The following SLC25A24 variants were observed in gnomAD, a reference collection of about 807,000 sequenced individuals.
SLC25A24 encodes the protein solute carrier family 25 member 24.
A neutral mutation model predicts 60.7 loss-of-function variants in SLC25A24; 49 were observed. That is an observed-to-expected ratio of 0.81 (90% CI 0.64 to 1.02). SLC25A24 has a LOEUF of 1.02. Ranked by LOEUF, SLC25A24 falls within the 50% of genes least tolerant of loss-of-function variation. SLC25A24 has a pLI of 0.00. For missense variants in SLC25A24, 564 were observed against 586.3 expected, an observed-to-expected ratio of 0.96 and a Z score of 0.39; for synonymous variants, 202 against 200.6, an observed-to-expected ratio of 1.01 and a Z score of -0.06.
chr1:108,186,005 A>G (rs768234987), intron 1 of SLC25A24, 51 bp from the exon 2 acceptor site: 45 of 1,388,634 alleles, frequency 3.2e-5, no homozygotes, highest in Non-Finnish European at 4.1e-5. Flanking sequence ...CTGATGCACT[A>G]AATTATTTCT....
intron 5 of SLC25A24, among the ~76,000 whole-genome samples, chr1:108,155,983 A>ACT (rs1553253875): frequency 3.6e-4 from 54 of 151,350 alleles, no homozygotes; most frequent in African/African-American, 1.2e-3. Context: ...ACACACACAC[A>ACT]CTCACAGAAC....
At chr1:108,187,810 A>T (rs1411076538) in intron 1 of SLC25A24, among the ~76,000 whole-genome samples, 1 of 151,508 alleles carries the variant, frequency 6.6e-6, no homozygotes, top group African/African-American at 2.4e-5. Context: ...CCTAACAGGG[A>T]CATCACAAAA....
intron 6 of SLC25A24, among the ~76,000 whole-genome samples, chr1:108,153,619 C>G (rs1366741182): frequency 6.6e-6 from 1 of 152,080 alleles, no homozygotes; most frequent in Non-Finnish European, 1.5e-5. Context: ...AAAACAGCAC[C>G]ATAGGTCCAG....
chr1:108,177,904 C>T (rs1166282097), intron 3 of SLC25A24, among the ~76,000 whole-genome samples: 1 of 152,116 alleles, frequency 6.6e-6, no homozygotes, highest in Non-Finnish European at 1.5e-5. Flanking sequence ...GTGGCTCACA[C>T]CTGTAATCCC....
At chr1:108,165,219 G>A (rs1680211968) in intron 3 of SLC25A24, among the ~76,000 whole-genome samples, 1 of 151,980 alleles carries the variant, frequency 6.6e-6, no homozygotes, top group Non-Finnish European at 1.5e-5. Flanking sequence ...CCAAGTATGT[G>A]GTCAATTTTG....
At chr1:108,145,516 G>A (rs939381354) in intron 7 of SLC25A24, among the ~76,000 whole-genome samples, 1 of 151,962 alleles carries the variant, frequency 6.6e-6, no homozygotes, top group Non-Finnish European at 1.5e-5. Flanking sequence ...TATTGCCTCG[G>A]TTTTTTTCTA....
In SLC25A24 at chr1:108,187,931, T is replaced by TAGATAG. The variant is rs1323998368; in HGVS notation, c.184-1978_184-1977insCTATCT. Among the ~76,000 whole-genome samples, 4 of 55,564 alleles carry TAGATAG rather than the reference T, an allele frequency of 7.2e-5. 1 individual carries two copies. The highest frequency in any genetic ancestry group is 1.6e-3 in the East Asian group (2 of 1,270). 36.5% of individuals were successfully genotyped at this position (55,564 alleles called of 152,430 possible). On this transcript the variant is annotated intron_variant, in intron 1 of 9. Coordinates refer to ENST00000565488, the MANE Select transcript of SLC25A24 (RefSeq NM_013386.5). ...CGAAATGGATAAGACATTATAGATA[T>TAGATAG]ATATATATATATATTCATGCACTGT...
Position 108,192,606 on chromosome 1 carries a change from C to G in SLC25A24, c.184-6652G>C, listed in dbSNP as rs749704058. 49 of 1,497,500 alleles carry G rather than the reference C, an allele frequency of 3.3e-5. 8 individuals are homozygous for G. Among genetic ancestry groups the G allele is most frequent in the Non-Finnish European group, 4.4e-5 (49 of 1,112,974 alleles). The allele number at this position is 1,497,500 out of a possible 1,614,324, so 92.8% of individuals were successfully genotyped here. A position where few individuals can be genotyped will look rare whatever the true frequency, so the allele number is the denominator to read the frequency against. ...TAGTCCAGGTACCAAAAGAGATCTC[C>G]GTAGAGGGAGTCCATCGAGGATGTC... On this transcript the variant is annotated intron_variant, in intron 1 of 9. Coordinates refer to ENST00000565488, the MANE Select transcript of SLC25A24 (RefSeq NM_013386.5).
chr1:108,179,207 T>C (rs1264129265), intron 3 of SLC25A24, among the ~76,000 whole-genome samples: 1 of 150,994 alleles, frequency 6.6e-6, no homozygotes, highest in Non-Finnish European at 1.5e-5. Context: ...ATACTACACT[T>C]AGAATGACTA....
chr1:108,168,976 T>C (rs1236931413), intron 3 of SLC25A24, among the ~76,000 whole-genome samples: 3 of 152,232 alleles, frequency 2.0e-5, no homozygotes, highest in Non-Finnish European at 4.4e-5. Flanking sequence ...AGTTTAACTT[T>C]CACGTTTAGG....
chr1:108,166,623 G>A (rs1011754177), intron 3 of SLC25A24, among the ~76,000 whole-genome samples: 8 of 152,070 alleles, frequency 5.3e-5, no homozygotes, highest in East Asian at 3.9e-4. Context: ...TGTAGTTCTC[G>A]AGCCTTGGTT....
chr1:108,172,089 A>G (rs1351575463), intron 3 of SLC25A24, among the ~76,000 whole-genome samples: 1 of 152,254 alleles, frequency 6.6e-6, no homozygotes, highest in East Asian at 1.9e-4. Context: ...TGAAAATGAG[A>G]GTAAACAGGG....
At chr1:108,194,568 T>A (rs1648435289) in intron 1 of SLC25A24, among the ~76,000 whole-genome samples, 1 of 147,056 alleles carries the variant, frequency 6.8e-6, no homozygotes, top group African/African-American at 2.4e-5. Flanking sequence ...GAGTTGAGAG[T>A]TTCATCTAAT....
intron 2 of SLC25A24, 114 bp downstream of exon 2, chr1:108,185,714 C>T: frequency 1.3e-6 from 1 of 787,032 alleles, no homozygotes; most frequent in South Asian, 2.0e-5. Context: ...AGTATTAACA[C>T]AAATAATAAT....
chr1:108,160,677 C>T lies in SLC25A24; in HGVS notation c.510+505G>A, dbSNP rs533026625. ...TGGGCACCATTGAGCACTGAGTGAA[C>T]GAGACTCCGTCTGCAATCCCAGCAC... On this transcript the variant is annotated intron_variant, in intron 4 of 9. Transcript: ENST00000565488. 2.7e-4 allele frequency among the ~76,000 whole-genome samples: 41 copies of T among 152,326 alleles called. No individual in the cohort carries two copies. In the East Asian group the frequency reaches 3.1e-3, roughly 11 times the overall value.
At position 108,200,131 on chromosome 1, in the gene SLC25A24, C is replaced by G; in HGVS notation, c.8G>C (p.Arg3Pro). The G allele has an allele frequency of 6.4e-7, 1 of 1,553,438 alleles. No individual in the cohort carries two copies. Among genetic ancestry groups the G allele is most frequent in the South Asian group, 1.2e-5 (1 of 84,608 alleles). The change falls in exon 1 of 10, where the codon CGC (arginine) becomes CCC (proline). Residue 3 changes from arginine to proline, a missense_variant. Physicochemically the swap from Arg to Pro is moderately radical, Grantham distance 103. Transcript: ENST00000565488. The stretch of plus-strand genomic sequence containing the variant: ...GGGCAGCACGAAGTCCCGCAGCCAG[C>G]GCAACATGGTCCCAGAGGCGCAGGC... ML[R>P]WLRDFVLPTA...
rs943973754 is a variant in SLC25A24 at position 108,200,338 on chromosome 1, G to C, written c.-200C>G. 3 of 308,514 alleles carry C rather than the reference G, an allele frequency of 9.7e-6. No homozygotes were observed. The highest frequency in any genetic ancestry group is 2.2e-5 in the African/African-American group (1 of 44,980). The allele number at this position is 308,514 out of a possible 1,614,324, so 19.1% of individuals were successfully genotyped here. A position where few individuals can be genotyped will look rare whatever the true frequency, so the allele number is the denominator to read the frequency against. On this transcript the variant is annotated 5_prime_UTR_variant, in exon 1 of 10. Transcript: ENST00000565488. ...CCCACCCGAGCCCGCGCGGAGCGCA[G>C]GGTGTGGCCGTCCCGCCGCTGCTGG...
At chr1:108,166,310 C>G (rs1008196938) in intron 3 of SLC25A24, among the ~76,000 whole-genome samples, 28 of 151,582 alleles carry the variant, frequency 1.8e-4, no homozygotes, top group African/African-American at 6.5e-4. Flanking sequence ...TTGTGGCGTT[C>G]TCTGTATTTC....
chr1:108,157,648 G>A (rs1679940555), intron 4 of SLC25A24, 28 bp from the exon 5 acceptor site: 2 of 1,597,912 alleles, frequency 1.3e-6, no homozygotes, highest in Non-Finnish European at 1.7e-6. Flanking sequence ...AGATCCCCAT[G>A]CGCCTTAGTT....
Sources: gnomAD v4.1 joint callset for allele counts (sites outside exome capture counted in the v4.1 genomes callset) on GRCh38, gnomAD v4.1.1 for gene constraint, MANE v1.5 for transcripts, NCBI Gene and HGNC (gene_info 2026-07-23, HGNC 2026-07-21) for gene names.